ANXA4: variants seen among roughly 807,000 people sequenced by gnomAD.
ANXA4 encodes annexin A4, also known as 35-beta calcimedin.
A neutral mutation model predicts 49.8 loss-of-function variants in ANXA4; 39 were observed. That is an observed-to-expected ratio of 0.78 (90% confidence interval 0.61 to 1.02). The LOEUF is 1.02. Ranked by LOEUF, ANXA4 falls within the 50% of genes least tolerant of loss-of-function variation. The probability of loss-of-function intolerance (pLI) is 0.00; values close to 1 mark genes in which losing one functional copy is unlikely to be tolerated. For missense variants in ANXA4, 360 were observed against 410.1 expected (o/e 0.88, Z 1.05); for synonymous variants, 134 against 152.5 (o/e 0.88, Z 0.89).
intron 1 of ANXA4, among the ~76,000 whole-genome samples, chr2:69,646,793 C>A (rs1288047881): frequency 1.3e-5 from 2 of 152,282 alleles, no homozygotes; most frequent in African/African-American, 4.8e-5. Flanking sequence ...AATATTGAAT[C>A]AATTGTAGCT....
intron 1 of ANXA4, among the ~76,000 whole-genome samples, chr2:69,753,504 A>G (rs1670933646): frequency 6.6e-6 from 1 of 152,218 alleles, no homozygotes; most frequent in African/African-American, 2.4e-5. Flanking sequence ...CAGATGCTGT[A>G]CAATCGATAT....
chr2:69,654,221 C>T (rs1429724085), intron 2 of ANXA4, among the ~76,000 whole-genome samples: 1 of 152,146 alleles, frequency 6.6e-6, no homozygotes, highest in African/African-American at 2.4e-5. Flanking sequence ...ACAATCATGT[C>T]GTCTGCAAAC....
intron 2 of ANXA4, among the ~76,000 whole-genome samples, chr2:69,683,662 A>G (rs1411245366): frequency 2.0e-5 from 3 of 152,014 alleles, no homozygotes; most frequent in Non-Finnish European, 4.4e-5. Context: ...CTCCATACAT[A>G]CCTGCACACT....
At chr2:69,718,774 TTCAC>T (rs1669726994) in intron 2 of ANXA4, among the ~76,000 whole-genome samples, 1 of 126,378 alleles carries the variant, frequency 7.9e-6, no homozygotes, top group African/African-American at 5.5e-5. Context: ...TACACACACA[TTCAC>T]ACACATGCAT....
intron 1 of ANXA4, among the ~76,000 whole-genome samples, chr2:69,770,036 G>A (rs982950724): frequency 3.3e-5 from 5 of 152,152 alleles, no homozygotes; most frequent in Non-Finnish European, 7.3e-5. Flanking sequence ...TGAATAACTG[G>A]CCAAAATATG....
At chr2:69,820,972 A>G in intron 12 of ANXA4, 151 bp downstream of exon 12, 1 of 922,044 alleles carries the variant, frequency 1.1e-6, no homozygotes, top group Non-Finnish European at 1.5e-6. Flanking sequence ...CCTCTTTCAC[A>G]CAGATATTTA....
At chr2:69,717,195 ACATGCC>A (rs1462814980) in intron 2 of ANXA4, among the ~76,000 whole-genome samples, 4 of 152,188 alleles carry the variant, frequency 2.6e-5, no homozygotes, top group Non-Finnish European at 4.4e-5. Context: ...CTGAATAGGA[ACATGCC>A]CATTTAAAAG....
At chr2:69,700,827 G>T (rs1418957090) in intron 2 of ANXA4, among the ~76,000 whole-genome samples, 1 of 152,156 alleles carries the variant, frequency 6.6e-6, no homozygotes, top group Non-Finnish European at 1.5e-5. Flanking sequence ...TAAGGTAAAT[G>T]TTTGGCAGTG....
chr2:69,795,153 T>C (rs1414801161), intron 3 of ANXA4, among the ~76,000 whole-genome samples: 2 of 152,194 alleles, frequency 1.3e-5, no homozygotes, highest in African/African-American at 4.8e-5. Flanking sequence ...GAAAGTGTTA[T>C]CTACATACTG....
intron 2 of ANXA4, among the ~76,000 whole-genome samples, chr2:69,785,450 C>T (rs1559191186): frequency 6.6e-6 from 1 of 152,128 alleles, no homozygotes; most frequent in Admixed American, 6.5e-5. Flanking sequence ...CTAGATTCTG[C>T]TTTGGCATTA....
intron 8 of ANXA4, among the ~76,000 whole-genome samples, chr2:69,814,536 G>A (rs1388096580): frequency 6.6e-6 from 1 of 151,080 alleles, no homozygotes; most frequent in Non-Finnish European, 1.5e-5. Flanking sequence ...TTTGGTAGAG[G>A]TGGGGTTTTG....
chr2:69,656,623 G>T (rs1200101961), intron 2 of ANXA4, among the ~76,000 whole-genome samples: 4 of 134,090 alleles, frequency 3.0e-5, no homozygotes, highest in Non-Finnish European at 6.1e-5. Flanking sequence ...CCTGATTTCC[G>T]CTCACTGCAA....
chr2:69,774,451 G>A (rs1671885453), intron 1 of ANXA4, among the ~76,000 whole-genome samples: 1 of 147,110 alleles, frequency 6.8e-6, no homozygotes, highest in Non-Finnish European at 1.5e-5. Context: ...TGATTCTTCT[G>A]CCTCAGCCTT....
At chr2:69,675,010 C>A (rs1198017027) in intron 2 of ANXA4, among the ~76,000 whole-genome samples, 1 of 151,488 alleles carries the variant, frequency 6.6e-6, no homozygotes, top group Admixed American at 6.6e-5. Flanking sequence ...GCAACCTCCA[C>A]CTCCCGGGTT....
At chr2:69,741,315 C>G (rs1021351578), upstream of ANXA4, among the ~76,000 whole-genome samples, 5 of 152,216 alleles carry the variant, frequency 3.3e-5, no homozygotes, top group African/African-American at 1.2e-4. Flanking sequence ...GCAAAGACGA[C>G]CTAGCCCTAG....
At chr2:69,648,038 A>T (rs1390625281) in intron 1 of ANXA4, among the ~76,000 whole-genome samples, 1 of 152,202 alleles carries the variant, frequency 6.6e-6, no homozygotes, top group East Asian at 1.9e-4. Flanking sequence ...CCTGTGGTAC[A>T]CCTAAATCAT....
At chr2:69,712,940 G>A (rs929982800) in intron 2 of ANXA4, among the ~76,000 whole-genome samples, 1 of 152,098 alleles carries the variant, frequency 6.6e-6, no homozygotes, top group Non-Finnish European at 1.5e-5. Flanking sequence ...AGGACTCTTT[G>A]GGGCCAATGA....
chr2:69,693,234 G>A (rs1678035224), intron 2 of ANXA4, among the ~76,000 whole-genome samples: 1 of 152,096 alleles, frequency 6.6e-6, no homozygotes, highest in African/African-American at 2.4e-5. Flanking sequence ...GAGTTGGTCG[G>A]TGCAGTTCTT....
At chr2:69,801,115 T>G (rs528008671) in intron 3 of ANXA4, among the ~76,000 whole-genome samples, 1 of 152,250 alleles carries the variant, frequency 6.6e-6, no homozygotes, top group Non-Finnish European at 1.5e-5. Flanking sequence ...TGCAGGTGGG[T>G]TTTCAGCCTG....
Sources: allele counts gnomAD v4.1 joint callset (sites outside exome capture counted in the v4.1 genomes callset), GRCh38; gene constraint gnomAD v4.1.1; transcripts MANE v1.5; gene names NCBI Gene and HGNC (gene_info 2026-07-23, HGNC 2026-07-21).